TP73: variants seen among roughly 807,000 people sequenced by gnomAD.
TP73 encodes tumor protein p73.
In TP73, 25 loss-of-function variants were observed where a neutral mutation model predicts 62.5. That is an observed-to-expected ratio of 0.40 (90% CI 0.29 to 0.56). TP73 has a LOEUF of 0.56. Ranked by LOEUF, TP73 falls within the 20% of genes least tolerant of loss-of-function variation. The probability of loss-of-function intolerance (pLI) is 0.46; values close to 1 mark genes in which losing one functional copy is unlikely to be tolerated. For missense variants in TP73, 754 were observed against 913.3 expected (o/e 0.83, Z 2.25); for synonymous variants, 423 against 377.5 (o/e 1.12, Z -1.40).
intron 3 of TP73, among the ~76,000 whole-genome samples, chr1:3,692,725 G>A (rs897697127): frequency 2.6e-5 from 4 of 152,130 alleles, no homozygotes; most frequent in African/African-American, 9.7e-5. Context: ...GGGGACCTGG[G>A]GGACTCTAGT....
At position 3,672,060 on chromosome 1, in the gene TP73, G is replaced by T. The variant is rs1025147887; in HGVS notation, c.-33-10273G>T. ...CTGGAAGGGCACGTCTGCTCAGACC[G>T]CAGGGTAGGGAGTGGTCAGCAGGGA... On this transcript the variant is annotated intron_variant, in intron 1 of 13. Transcript: ENST00000378295. The surrounding 1 kb of genome is among the most constrained non-coding windows in gnomAD (Gnocchi z 5.3). Among the ~76,000 whole-genome samples, 1 of 152,142 alleles carries T rather than the reference G, an allele frequency of 6.6e-6. No individual in the cohort carries two copies. The highest frequency in any genetic ancestry group is 6.5e-5 in the Admixed American group (1 of 15,282).
At chr1:3,671,246 A>G (rs1302532092) in intron 1 of TP73, among the ~76,000 whole-genome samples, 1 of 152,068 alleles carries the variant, frequency 6.6e-6, no homozygotes, top group Non-Finnish European at 1.5e-5. Flanking sequence ...GGGAGCTGGG[A>G]GCGTGACGGG....
At chr1:3,732,508 C>T (rs1053804699) in intron 13 of TP73, among the ~76,000 whole-genome samples, 3 of 152,162 alleles carry the variant, frequency 2.0e-5, no homozygotes, top group Non-Finnish European at 4.4e-5. Context: ...GGCAGTTCCT[C>T]CCCCAGGGCC....
rs545040328 is a variant in TP73, at chr1:3,672,344, G to A, written c.-33-9989G>A. 8.5e-5 allele frequency among the ~76,000 whole-genome samples: 13 copies of A among 152,220 alleles called. No homozygotes were observed. The South Asian group carries it at 2.1e-3, about 24-fold the overall frequency. ...GGCACTTCCAACATGGGCGCTGGCC[G>A]CACAAAGGCTAGTGACACCCGGTGT... On this transcript the variant is annotated intron_variant, in intron 1 of 13. Coordinates refer to ENST00000378295, the MANE Select transcript of TP73 (RefSeq NM_005427.4). The surrounding 1 kb of genome is among the most constrained non-coding windows in gnomAD (Gnocchi z 5.3).
chr1:3,725,448 T>C (rs1198974526), intron 6 of TP73, among the ~76,000 whole-genome samples: 2 of 133,696 alleles, frequency 1.5e-5, no homozygotes, highest in Non-Finnish European at 3.2e-5. Flanking sequence ...GGTGGATGGA[T>C]GGATGGATAA....
At chr1:3,729,633 C>T in intron 10 of TP73, 185 bp downstream of exon 10, 1 of 1,048,332 alleles carries the variant, frequency 9.5e-7, no homozygotes. Context: ...TTGGGGCTGC[C>T]CTGGGACCCT....
intron 9 of TP73, 134 bp from the exon 10 acceptor site, chr1:3,729,193 G>A (rs1641925883): frequency 3.2e-6 from 4 of 1,254,368 alleles, no homozygotes; most frequent in African/African-American, 1.5e-5. Context: ...AGGGGATCCT[G>A]AGCCTCTGGG....
rs78488894 is a variant in TP73 at position 3,672,566 on chromosome 1, A to G, written c.-33-9767A>G. On this transcript the variant is annotated intron_variant, in intron 1 of 13. Coordinates refer to ENST00000378295, the MANE Select transcript of TP73 (RefSeq NM_005427.4). The surrounding 1 kb of genome is among the most constrained non-coding windows in gnomAD (Gnocchi z 5.3). ...CGACTCAGACACCCACTCTGGCCAT[A>G]AGCTCCGCTCTGTCCCAGCCCTGGA... is the stretch of plus-strand genomic sequence containing the variant. Among the ~76,000 whole-genome samples the G allele has an allele frequency of 0.044, 6,698 of 151,994 alleles. 481 individuals are homozygous for G. The highest frequency in any genetic ancestry group is 0.15 in the African/African-American group (6,299 of 41,412).
In TP73 at chr1:3,726,901, C is replaced by CGATGGATG. The variant is rs57315521; in HGVS notation, c.733-203_733-196dup. ...GGATGGATGAATAGATAAATGGGTT[C>CGATGGATG]GATGGATGGATGGATGGACGGATGG... On this transcript the variant is annotated intron_variant, in intron 6 of 13. Coordinates refer to ENST00000378295, the MANE Select transcript of TP73 (RefSeq NM_005427.4). Among the ~76,000 whole-genome samples, 1,011 of 147,568 alleles carry CGATGGATG rather than the reference C, an allele frequency of 6.9e-3. 13 individuals carry two copies. The highest frequency in any genetic ancestry group is 0.024 in the African/African-American group (955 of 39,830).
chr1:3,682,916 A>T, intron 2 of TP73, 144 bp from the exon 3 acceptor site: 1 of 1,141,942 alleles, frequency 8.8e-7, no homozygotes, highest in Non-Finnish European at 1.2e-6. Context: ...TGGAGGACAG[A>T]GATGGGATGA....
intron 4 of TP73, among the ~76,000 whole-genome samples, chr1:3,717,168 C>T (rs1210796617): frequency 3.3e-5 from 5 of 152,238 alleles, no homozygotes; most frequent in African/African-American, 9.6e-5. Flanking sequence ...CTGCCCAAAC[C>T]TGCCCGTGCC....
rs115935862 is a variant in TP73 at position 3,695,311 on chromosome 1, C to T, written c.186+12131C>T. ...GTCCAGTTCATGGCCCCTTGCCCCC[C>T]ACTTCCTCCTGGGGCCGCTGTTCTT... On this transcript the variant is annotated intron_variant, in intron 3 of 13. Coordinates refer to ENST00000378295, the MANE Select transcript of TP73 (RefSeq NM_005427.4). 5.4e-3 allele frequency among the ~76,000 whole-genome samples: 824 copies of T among 152,338 alleles called. 7 individuals carry two copies. The highest frequency in any genetic ancestry group is 0.018 in the African/African-American group (753 of 41,564).
At chr1:3,729,284 G>T in intron 9 of TP73, 43 bp from the exon 10 acceptor site, 1 of 1,611,464 alleles carries the variant, frequency 6.2e-7, no homozygotes, top group South Asian at 1.1e-5. Context: ...CCTCCCGTGG[G>T]GGTCTGGGGC....
In TP73 at chr1:3,736,136, T is replaced by A. The variant is rs1642445826; in HGVS notation, c.*3057T>A. The A allele has an allele frequency of 6.6e-6, 1 of 152,184 alleles. No individual in the cohort carries two copies. Among genetic ancestry groups the A allele is most frequent in the Non-Finnish European group, 1.5e-5 (1 of 68,004 alleles). 9.4% of individuals were successfully genotyped at this position (152,184 alleles called of 1,614,324 possible). A position where few individuals can be genotyped will look rare whatever the true frequency, so the allele number is the denominator to read the frequency against. On this transcript the variant is annotated 3_prime_UTR_variant, in exon 14 of 14. Coordinates refer to ENST00000378295, the MANE Select transcript of TP73 (RefSeq NM_005427.4). ...AATGTAATCTTGGGAAAATGTGTTA[T>A]TTTTTTAGCTGTGTTTCAGTGGGGA...
At position 3,672,989 on chromosome 1, in the gene TP73, C is replaced by T. The variant is rs77112258; in HGVS notation, c.-33-9344C>T. ...GGGTGCAGACTTCTCTTCCACCACC[C>T]ACCCTCCTCATACCCAGCCTCTGAG... On this transcript the variant is annotated intron_variant, in intron 1 of 13. Coordinates refer to ENST00000378295, the MANE Select transcript of TP73 (RefSeq NM_005427.4). The surrounding 1 kb of genome is among the most constrained non-coding windows in gnomAD (Gnocchi z 5.3). 0.038 allele frequency among the ~76,000 whole-genome samples: 5,738 copies of T among 152,336 alleles called. 172 individuals carry two copies. The highest frequency in any genetic ancestry group is 0.057 in the Non-Finnish European group (3,853 of 68,026).
rs544242608 is a variant in TP73 at position 3,696,104 on chromosome 1, C to A, written c.187-11445C>A. On this transcript the variant is annotated intron_variant, in intron 3 of 13. Coordinates refer to ENST00000378295, the MANE Select transcript of TP73 (RefSeq NM_005427.4). The surrounding 1 kb of genome is among the most constrained non-coding windows in gnomAD (Gnocchi z 4.1). ...CGACGAGCGAGCAGTTCCCAAAGCC[C>A]CATGAGGGAGGGGTTTCCAGTGGTC... Among the ~76,000 whole-genome samples, 57 of 152,238 alleles carry A rather than the reference C, an allele frequency of 3.7e-4. 1 individual carries two copies. The South Asian group carries it at 9.1e-3, about 24-fold the overall frequency.
intron 3 of TP73, among the ~76,000 whole-genome samples, chr1:3,692,023 C>T (rs777592843): frequency 7.2e-5 from 11 of 152,066 alleles, no homozygotes; most frequent in Non-Finnish European, 1.2e-4. Context: ...GCATGCAATA[C>T]GCAGGCGAGG....
At chr1:3,694,118 G>C (rs377143878) in intron 3 of TP73, among the ~76,000 whole-genome samples, 2 of 6,916 alleles carry the variant, frequency 2.9e-4, no homozygotes, top group South Asian at 0.011. Context: ...CGCAATCCCA[G>C]CCATGCAGCC....
intron 3 of TP73, chr1:3,690,832 C>A (rs765859356): frequency 6.5e-7 from 1 of 1,545,404 alleles, no homozygotes; most frequent in East Asian, 2.4e-5. Flanking sequence ...CCCTTCCCCT[C>A]GGGCCGCCCA....
Sources: gnomAD v4.1 joint callset for allele counts (sites outside exome capture counted in the v4.1 genomes callset) on GRCh38, gnomAD v4.1.1 for gene constraint, Gnocchi (gnomAD v3.1) non-coding constraint, MANE v1.5 for transcripts, NCBI Gene and HGNC (gene_info 2026-07-23, HGNC 2026-07-21) for gene names.